The following FSTL5 variants were observed in gnomAD, a reference collection of about 807,000 sequenced individuals.
FSTL5 encodes follistatin-related protein 5.
Under a neutral mutation model 89.1 loss-of-function variants are expected in FSTL5, and 62 were observed. The observed-to-expected ratio is 0.70, with a 90% CI of 0.57 to 0.86. The LOEUF (loss-of-function observed/expected upper bound fraction) is 0.86, where lower values mean the gene tolerates loss of function less well. Ranked by LOEUF, FSTL5 falls within the 40% of genes least tolerant of loss-of-function variation. The pLI, the probability that FSTL5 is intolerant of heterozygous loss-of-function variation, is 0.00. For synonymous variants in FSTL5, 383 were observed against 346.2 expected (o/e 1.11, Z -1.18); for missense variants, 1,057 against 1,001.6 (o/e 1.06, Z -0.75).
At chr4:162,067,757 A>G (rs1470053290) in intron 2 of FSTL5, among the ~76,000 whole-genome samples, 2 of 152,228 alleles carry the variant, frequency 1.3e-5, no homozygotes, top group Admixed American at 1.3e-4. Context: ...AGGACGTCAA[A>G]TTGCCTCTGT....
chr4:161,592,318 C>T (rs755267354), intron 7 of FSTL5, among the ~76,000 whole-genome samples: 27 of 152,090 alleles, frequency 1.8e-4, no homozygotes, highest in Non-Finnish European at 3.7e-4. Flanking sequence ...GGTACATATG[C>T]AGAATGTACA....
chr4:161,994,943 A>T (rs998469679), intron 3 of FSTL5, among the ~76,000 whole-genome samples: 1 of 152,106 alleles, frequency 6.6e-6, no homozygotes, highest in Non-Finnish European at 1.5e-5. Flanking sequence ...TGTCTTTGTC[A>T]TTTGAAATAC....
At chr4:161,905,847 T>A (rs1733508162) in intron 4 of FSTL5, among the ~76,000 whole-genome samples, 1 of 152,170 alleles carries the variant, frequency 6.6e-6, no homozygotes, top group Admixed American at 6.5e-5. Context: ...ACAGCAATGT[T>A]TTAATCTATG....
At chr4:161,964,844 CAT>C (rs1321936590) in intron 3 of FSTL5, among the ~76,000 whole-genome samples, 3 of 151,980 alleles carry the variant, frequency 2.0e-5, no homozygotes, top group African/African-American at 7.2e-5. Context: ...TTTTACAACA[CAT>C]ATGGTCACAA....
chr4:161,929,449 T>C (rs1194293224), intron 3 of FSTL5, among the ~76,000 whole-genome samples: 3 of 151,744 alleles, frequency 2.0e-5, no homozygotes, highest in Non-Finnish European at 4.4e-5. Flanking sequence ...ATCATCTAAA[T>C]CTTTTGCTTT....
chr4:161,555,208 T>A (rs918679323), intron 8 of FSTL5, among the ~76,000 whole-genome samples: 1 of 151,530 alleles, frequency 6.6e-6, no homozygotes, highest in African/African-American at 2.4e-5. Context: ...CTTTAACCTA[T>A]TTTGAAAGAG....
chr4:161,535,572 A>G (rs1391402808), intron 10 of FSTL5, among the ~76,000 whole-genome samples: 2 of 152,140 alleles, frequency 1.3e-5, no homozygotes, highest in Non-Finnish European at 2.9e-5. Context: ...TATTATTAAA[A>G]AGTCAAAAAA....
intron 6 of FSTL5, among the ~76,000 whole-genome samples, chr4:161,731,452 T>C (rs1363067527): frequency 2.0e-5 from 3 of 152,046 alleles, no homozygotes; most frequent in Admixed American, 6.6e-5. Context: ...TCACGAGATC[T>C]GATGGTTTAG....
chr4:161,512,884 A>C (rs1730692778), intron 10 of FSTL5, among the ~76,000 whole-genome samples: 1 of 152,142 alleles, frequency 6.6e-6, no homozygotes, highest in African/African-American at 2.4e-5. Context: ...CAAAGTTTTA[A>C]CAATACAATT....
intron 4 of FSTL5, among the ~76,000 whole-genome samples, chr4:161,916,705 C>G (rs1395162749): frequency 1.3e-5 from 2 of 151,828 alleles, no homozygotes; most frequent in Non-Finnish European, 2.9e-5. Context: ...TTCTACAAAT[C>G]ATAAATCACT....
chr4:162,057,345 A>T (rs1057428902), intron 2 of FSTL5, among the ~76,000 whole-genome samples: 2 of 152,158 alleles, frequency 1.3e-5, no homozygotes, highest in Non-Finnish European at 2.9e-5. Flanking sequence ...TGCCATTACA[A>T]CGTTGAAATG....
intron 6 of FSTL5, among the ~76,000 whole-genome samples, chr4:161,758,653 G>A (rs1038145779): frequency 2.0e-5 from 3 of 152,132 alleles, no homozygotes; most frequent in African/African-American, 7.2e-5. Context: ...GAGTAGCTGG[G>A]ATTACAGGCG....
intron 4 of FSTL5, among the ~76,000 whole-genome samples, chr4:161,786,213 A>C (rs576179344): frequency 1.3e-5 from 2 of 152,184 alleles, no homozygotes; most frequent in East Asian, 3.9e-4. Flanking sequence ...CATTCATAGC[A>C]TTGTTATTAT....
chr4:162,005,731 A>G (rs754315289), intron 3 of FSTL5, among the ~76,000 whole-genome samples: 96 of 152,086 alleles, frequency 6.3e-4, no homozygotes, highest in Non-Finnish European at 1.3e-4. Context: ...CATAATTCTG[A>G]CCCCTTTCTA....
intron 8 of FSTL5, among the ~76,000 whole-genome samples, chr4:161,564,702 AC>A (rs1443812491): frequency 6.6e-6 from 1 of 151,588 alleles, no homozygotes; most frequent in African/African-American, 2.4e-5. Context: ...ACTTTTAGAT[AC>A]TTCCAAAGAC....
chr4:162,102,004 G>A (rs965109388), intron 2 of FSTL5, among the ~76,000 whole-genome samples: 4 of 152,054 alleles, frequency 2.6e-5, no homozygotes, highest in Non-Finnish European at 5.9e-5. Context: ...AGTATCCACA[G>A]AGGCCTCTTG....
At chr4:162,062,288 T>A (rs1738747389) in intron 2 of FSTL5, among the ~76,000 whole-genome samples, 1 of 151,980 alleles carries the variant, frequency 6.6e-6, no homozygotes, top group Non-Finnish European at 1.5e-5. Flanking sequence ...AATAGTGTTA[T>A]TTTGAATATG....
At chr4:161,809,343 T>C (rs1306159091) in intron 4 of FSTL5, among the ~76,000 whole-genome samples, 1 of 152,186 alleles carries the variant, frequency 6.6e-6, no homozygotes, top group Non-Finnish European at 1.5e-5. Context: ...GTCTAGGACG[T>C]GAAGAAATTG....
intron 15 of FSTL5, among the ~76,000 whole-genome samples, chr4:161,426,654 A>C (rs760292406): frequency 3.3e-5 from 5 of 152,138 alleles, no homozygotes; most frequent in Non-Finnish European, 7.4e-5. Context: ...GTGCAGTGGC[A>C]CAGTCTGGCT....
Sources: gnomAD v4.1 joint callset for allele counts (sites outside exome capture counted in the v4.1 genomes callset) on GRCh38, gnomAD v4.1.1 for gene constraint, MANE v1.5 for transcripts, NCBI Gene and HGNC (gene_info 2026-07-23, HGNC 2026-07-21) for gene names.